Variants in C2orf80 observed in about 807,000 individuals in gnomAD.
C2orf80 encodes uncharacterized protein C2orf80.
In C2orf80, 28 loss-of-function variants were observed where a neutral mutation model predicts 30.2. The observed-to-expected ratio is 0.93, with a 90% CI of 0.69 to 1.27. C2orf80 has a LOEUF of 1.27. C2orf80 is among the 50% of genes most tolerant of loss of function. The pLI, the probability that C2orf80 is intolerant of heterozygous loss-of-function variation, is 0.00. For missense variants in C2orf80, 220 were observed against 231.0 expected (o/e 0.95, Z 0.31); for synonymous variants, 80 against 76.4 (o/e 1.05, Z -0.24).
intron 4 of C2orf80, among the ~76,000 whole-genome samples, chr2:208,181,623 G>T (rs1660199888): frequency 6.6e-6 from 1 of 151,868 alleles, no homozygotes; most frequent in Admixed American, 6.6e-5. Context: ...AATTTGCTTT[G>T]GGGGAACTAC....
chr2:208,166,500 T>C (rs926983553), intron 8 of C2orf80, among the ~76,000 whole-genome samples: 37 of 152,244 alleles, frequency 2.4e-4, no homozygotes, highest in Admixed American at 1.9e-3. Context: ...TTATGTATTA[T>C]GCTTGTAGGA....
At chr2:208,181,142 T>C in intron 5 of C2orf80, 76 bp downstream of exon 5, 1 of 1,027,850 alleles carries the variant, frequency 9.7e-7, no homozygotes, top group Non-Finnish European at 1.5e-6. Context: ...AAAAATAATG[T>C]AAATATTCAT....
chr2:208,165,585 A>T lies in C2orf80; in HGVS notation c.*222T>A, dbSNP rs1384861656. ...ATTCTCCAGCAGTCTTCCAGTCACA[A>T]TGAAGTAGCATAAGGTCACAGTTTT... On this transcript the variant is annotated 3_prime_UTR_variant, in exon 9 of 9. Coordinates refer to ENST00000341287, the MANE Select transcript of C2orf80 (RefSeq NM_001099334.3). 1.2e-5 allele frequency: 6 copies of T among 499,706 alleles called. No individual in the cohort carries two copies. In the South Asian group the frequency reaches 1.4e-4, roughly 12 times the overall value. 31.0% of individuals were successfully genotyped at this position (499,706 alleles called of 1,614,324 possible).
rs1301759268 is a variant in C2orf80 at position 208,165,682 on chromosome 2, A to C, written c.*125T>G. 11 of 1,261,796 alleles carry C rather than the reference A, an allele frequency of 8.7e-6. No homozygotes were observed. The highest frequency in any genetic ancestry group is 3.0e-5 in the African/African-American group (2 of 66,004). 78.2% of individuals were successfully genotyped at this position (1,261,796 alleles called of 1,614,324 possible). A position where few individuals can be genotyped will look rare whatever the true frequency, so the allele number is the denominator to read the frequency against. ...AGCTCAACATCAAAAATAACACTTC[A>C]GTGCAGTTGTACCAAAAACAGTTGT... On this transcript the variant is annotated 3_prime_UTR_variant, in exon 9 of 9. Coordinates refer to ENST00000341287, the MANE Select transcript of C2orf80 (RefSeq NM_001099334.3).
At chr2:208,174,892 TC>T (rs1388017188) in intron 6 of C2orf80, among the ~76,000 whole-genome samples, 1 of 152,242 alleles carries the variant, frequency 6.6e-6, no homozygotes, top group Non-Finnish European at 1.5e-5. Context: ...TCTCTCTGTC[TC>T]CCTCTTTCTC....
chr2:208,168,869 A>G (rs1695998621), intron 8 of C2orf80, among the ~76,000 whole-genome samples: 1 of 150,888 alleles, frequency 6.6e-6, no homozygotes, highest in African/African-American at 2.4e-5. Flanking sequence ...ATCAGCCTAT[A>G]GAAAGGTCTG....
At chr2:208,181,367 G>A (rs1696554048) in intron 4 of C2orf80, 62 bp from the exon 5 acceptor site, 2 of 1,094,036 alleles carry the variant, frequency 1.8e-6, no homozygotes, top group South Asian at 1.3e-5. Flanking sequence ...TGCCTGCTAA[G>A]GTTGTGATGA....
intron 6 of C2orf80, among the ~76,000 whole-genome samples, chr2:208,177,039 C>G (rs1181435817): frequency 1.6e-5 from 1 of 63,160 alleles, no homozygotes; most frequent in Non-Finnish European, 3.1e-5. Flanking sequence ...ATATAGTACA[C>G]ATATATACTA....
chr2:208,168,347 T>C, intron 8 of C2orf80: 1 of 330,126 alleles, frequency 3.0e-6, no homozygotes, highest in Non-Finnish European at 5.8e-6. Context: ...TGTACACTAT[T>C]AAAATTTTTA....
At chr2:208,184,900 T>G in intron 3 of C2orf80, 51 bp downstream of exon 3, 1 of 1,444,226 alleles carries the variant, frequency 6.9e-7, no homozygotes, top group South Asian at 1.1e-5. Flanking sequence ...TTCTGTCTCT[T>G]TAATACACAT....
chr2:208,171,095 A>T, intron 7 of C2orf80, 32 bp from the exon 8 acceptor site: 2 of 1,448,630 alleles, frequency 1.4e-6, no homozygotes, highest in Non-Finnish European at 1.9e-6. Context: ...ATATCTGTAT[A>T]TAAAACTTTT....
chr2:208,167,040 G>C (rs549991714), intron 8 of C2orf80, among the ~76,000 whole-genome samples: 14 of 152,206 alleles, frequency 9.2e-5, no homozygotes, highest in Non-Finnish European at 1.5e-4. Flanking sequence ...ACTTTTTAAA[G>C]AGATGAAAAA....
chr2:208,166,034 T>C (rs1695876667), intron 8 of C2orf80, among the ~76,000 whole-genome samples: 2 of 152,194 alleles, frequency 1.3e-5, no homozygotes, highest in Non-Finnish European at 2.9e-5. Context: ...TGTGATCCCA[T>C]ACTGGATCTT....
chr2:208,181,167 TC>T, intron 5 of C2orf80, 50 bp downstream of exon 5: 2 of 1,218,156 alleles, frequency 1.6e-6, no homozygotes, highest in Non-Finnish European at 1.2e-6. Context: ...GTAAAAATGC[TC>T]AGAGTAGATA....
intron 6 of C2orf80, among the ~76,000 whole-genome samples, chr2:208,178,070 T>G (rs1437664628): frequency 2.6e-5 from 4 of 151,916 alleles, no homozygotes; most frequent in Admixed American, 2.6e-4. Flanking sequence ...CACCCACCTC[T>G]GCCTCCTAAG....
intron 2 of C2orf80, among the ~76,000 whole-genome samples, chr2:208,186,467 ATGTTTTCTG>A (rs1264216301): frequency 6.6e-6 from 1 of 152,228 alleles, no homozygotes; most frequent in African/African-American, 2.4e-5. Flanking sequence ...AGGAAACTTG[ATGTTTTCTG>A]TGTTCGTTTT....
intron 1 of C2orf80, 141 bp downstream of exon 1, chr2:208,189,812 C>G (rs573370126): frequency 1.4e-5 from 9 of 648,628 alleles, no homozygotes; most frequent in Non-Finnish European, 2.2e-5. Context: ...CCCCCAAATT[C>G]TATAGGAATA....
intron 6 of C2orf80, among the ~76,000 whole-genome samples, chr2:208,178,859 G>A (rs1470635628): frequency 6.6e-6 from 1 of 152,100 alleles, no homozygotes; most frequent in Non-Finnish European, 1.5e-5. Context: ...CCGGGTTCAA[G>A]AGATTATCCT....
At chr2:208,189,694 CTG>C (rs1696819872) in intron 1 of C2orf80, among the ~76,000 whole-genome samples, 1 of 152,132 alleles carries the variant, frequency 6.6e-6, no homozygotes, top group African/African-American at 2.4e-5. Flanking sequence ...AACAAGACCG[CTG>C]TGTGTTTTGT....
Sources: gnomAD v4.1 joint callset for allele counts (sites outside exome capture counted in the v4.1 genomes callset) on GRCh38, gnomAD v4.1.1 for gene constraint, MANE v1.5 for transcripts, NCBI Gene and HGNC (gene_info 2026-07-23, HGNC 2026-07-21) for gene names.